The following CLIP1 variants were observed in gnomAD, a reference collection of about 807,000 sequenced individuals.
CLIP1 encodes the protein CAP-Gly domain-containing linker protein 1.
A neutral mutation model predicts 161.6 loss-of-function variants in CLIP1; 66 were observed. That is an observed-to-expected ratio of 0.41 (90% CI 0.33 to 0.50). CLIP1 has a LOEUF of 0.50. Ranked by LOEUF, CLIP1 falls within the 20% of genes least tolerant of loss-of-function variation. The pLI, the probability that CLIP1 is intolerant of heterozygous loss-of-function variation, is 0.27. For synonymous variants in CLIP1, 598 were observed against 626.2 expected (o/e 0.96, Z 0.67); for missense variants, 1,376 against 1,702.0 (o/e 0.81, Z 3.37).
chr12:122,408,852 C>T (rs147807602), intron 1 of CLIP1, among the ~76,000 whole-genome samples: 422 of 151,992 alleles, frequency 2.8e-3, no homozygotes, highest in Non-Finnish European at 3.8e-3. Context: ...ATGGAGTCTC[C>T]ACTCTGTCAC....
At chr12:122,325,398 T>C (rs2136699078) in intron 17 of CLIP1, among the ~76,000 whole-genome samples, 1 of 152,268 alleles carries the variant, frequency 6.6e-6, no homozygotes, top group East Asian at 1.9e-4. Context: ...ATGGTGACCA[T>C]ATGACTACTG....
At chr12:122,291,226 G>A (rs370440292) in intron 20 of CLIP1, among the ~76,000 whole-genome samples, 1 of 151,070 alleles carries the variant, frequency 6.6e-6, no homozygotes, top group Admixed American at 6.6e-5. Flanking sequence ...GTCTCACTCT[G>A]TCACCTAGGC....
rs374594707 is a variant in CLIP1 at position 122,272,837 on chromosome 12, T to C, written c.*38A>G. 6.4e-7 allele frequency: 1 copy of C among 1,562,066 alleles called. No individual in the cohort carries two copies. The highest frequency in any genetic ancestry group is 1.1e-5 in the South Asian group (1 of 89,992). ...TGGTGTTACGTTGTGTCAATGCGAG[T>C]GCGTCTGAGCAAGCCCAGTTCTCCA... On this transcript the variant is annotated 3_prime_UTR_variant, in exon 26 of 26. Coordinates refer to ENST00000620786, the MANE Select transcript of CLIP1 (RefSeq NM_001247997.2).
chr12:122,286,017 T>A (rs1210831940), intron 21 of CLIP1, among the ~76,000 whole-genome samples: 1 of 152,032 alleles, frequency 6.6e-6, no homozygotes, highest in East Asian at 1.9e-4. Flanking sequence ...GGGCTGGGAA[T>A]CATTGGTTAT....
At chr12:122,282,471 T>C (rs915889188) in intron 21 of CLIP1, among the ~76,000 whole-genome samples, 3 of 152,238 alleles carry the variant, frequency 2.0e-5, no homozygotes, top group Non-Finnish European at 1.5e-5. Context: ...CTTTCCTTAC[T>C]ACTTATATAA....
intron 3 of CLIP1, among the ~76,000 whole-genome samples, chr12:122,376,551 C>T (rs572126895): frequency 1.2e-4 from 19 of 152,182 alleles, no homozygotes; most frequent in Admixed American, 2.0e-4. Flanking sequence ...ACTGCAAGCT[C>T]CGCCTCCTGG....
In CLIP1 at chr12:122,361,069, C is replaced by T; in HGVS notation, c.895G>A (p.Val299Met). 1.9e-6 allele frequency: 3 copies of T among 1,614,286 alleles called. No individual in the cohort carries two copies. The highest frequency in any genetic ancestry group is 2.5e-6 in the Non-Finnish European group (3 of 1,180,054). Residue 299 changes from valine to methionine, a missense_variant, in exon 5 of 26, where the codon GTG becomes ATG. Val to Met is a conservative substitution (Grantham distance 21, BLOSUM62 1). Transcript: ENST00000620786. Reference sequence around the variant, plus strand: ...AGGCTGGCGGACGTGGTCGCCATCACTCGCCTCACTGCGTTGGCCTTGGCT... The same window carrying T: ...AGGCTGGCGGACGTGGTCGCCATCATTCGCCTCACTGCGTTGGCCTTGGCT... ...AKAKANAVRRVMATTSASLKR... is the reference protein window; with the variant it reads ...AKAKANAVRRMMATTSASLKR...
intron 19 of CLIP1, among the ~76,000 whole-genome samples, chr12:122,314,407 G>A (rs1951184770): frequency 6.6e-6 from 1 of 152,180 alleles, no homozygotes; most frequent in African/African-American, 2.4e-5. Flanking sequence ...GGAGGCAGAG[G>A]TCGTGGTGAG....
chr12:122,411,994 T>C (rs1187041933), intron 1 of CLIP1, among the ~76,000 whole-genome samples: 1 of 151,872 alleles, frequency 6.6e-6, no homozygotes, highest in Non-Finnish European at 1.5e-5. Context: ...TCAATAAAGC[T>C]GTTATTTTTT....
In CLIP1 at chr12:122,289,101, C is replaced by A. The variant is rs907211253; in HGVS notation, c.3595-560G>T. On this transcript the variant is annotated intron_variant, in intron 20 of 25. Coordinates refer to ENST00000620786, the MANE Select transcript of CLIP1 (RefSeq NM_001247997.2). ...AAAGTGCTGGGATTACAGGCGTGAG[C>A]CACCGCGCCTGGCCCAAAGCACATC... is the stretch of plus-strand genomic sequence containing the variant. Among the ~76,000 whole-genome samples the A allele has an allele frequency of 2.0e-5, 3 of 147,642 alleles. No homozygotes were observed. The South Asian group carries it at 7.0e-4, about 34-fold the overall frequency.
intron 20 of CLIP1, among the ~76,000 whole-genome samples, chr12:122,301,089 C>T (rs1381261810): frequency 6.6e-6 from 1 of 152,042 alleles, no homozygotes; most frequent in Non-Finnish European, 1.5e-5. Flanking sequence ...ACAGAGGAAT[C>T]GTTCCAGATT....
rs572570489 is a variant in CLIP1 at position 122,388,660 on chromosome 12, C to A, written c.-106-8102G>T. The stretch of plus-strand genomic sequence containing the variant: ...GGTAGCTCACCGCACCCTTTGAATT[C>A]TGGGCTCAAGTGATTCACGAACCCC... On this transcript the variant is annotated intron_variant, in intron 1 of 25. Transcript: ENST00000620786. Among the ~76,000 whole-genome samples, 16 of 152,278 alleles carry A rather than the reference C, an allele frequency of 1.1e-4. No homozygotes were observed. In the East Asian group the frequency reaches 1.7e-3, roughly 17 times the overall value.
chr12:122,337,318 C>T (rs764230848), intron 11 of CLIP1, among the ~76,000 whole-genome samples: 20 of 151,570 alleles, frequency 1.3e-4, no homozygotes, highest in Non-Finnish European at 2.1e-4. Flanking sequence ...CATGGTGGCA[C>T]GCTCCTGTAA....
At position 122,328,068 on chromosome 12, in the gene CLIP1, A is replaced by G; in HGVS notation, c.3128T>C (p.Ile1043Thr). 1 of 1,613,818 alleles carries G rather than the reference A, an allele frequency of 6.2e-7. No individual in the cohort carries two copies. The highest frequency in any genetic ancestry group is 8.5e-7 in the Non-Finnish European group (1 of 1,179,974). ...CAGCGTCTTCTGGAGGTTCTGTAGG[A>G]TTTCTTCATGCTTGGTTTTTGTCTC... Reference protein sequence around the residue: ...TSETKTKHEEILQNLQKTLLD... With the variant: ...TSETKTKHEETLQNLQKTLLD... Residue 1043 changes from isoleucine (I) to threonine (T), a missense_variant, in exon 17 of 26, where the codon ATC (isoleucine) becomes ACC (threonine). By Grantham distance (89) the Ile-to-Thr change is moderately conservative. This residue lies in a region of CLIP1 where 948 missense variants were observed against 1,134.8 expected (regional missense o/e 0.84). Coordinates refer to ENST00000620786, the MANE Select transcript of CLIP1 (RefSeq NM_001247997.2).
intron 21 of CLIP1, among the ~76,000 whole-genome samples, chr12:122,287,308 C>T (rs1955898107): frequency 1.3e-5 from 2 of 152,322 alleles, no homozygotes; most frequent in South Asian, 2.1e-4. Flanking sequence ...GCAACTGCTA[C>T]GCTGGCAGAG....
At chr12:122,413,002 A>C (rs1222801269) in intron 1 of CLIP1, among the ~76,000 whole-genome samples, 1 of 152,198 alleles carries the variant, frequency 6.6e-6, no homozygotes, top group Non-Finnish European at 1.5e-5. Context: ...TGTAATAAAG[A>C]CACCCACTTT....
At chr12:122,390,228 A>C (rs1343227960) in intron 1 of CLIP1, among the ~76,000 whole-genome samples, 1 of 131,520 alleles carries the variant, frequency 7.6e-6, no homozygotes, top group African/African-American at 2.7e-5. Context: ...ATATACACAC[A>C]TATATACACA....
At chr12:122,378,061 C>G in intron 2 of CLIP1, 101 bp from the exon 3 acceptor site, 1 of 1,012,630 alleles carries the variant, frequency 9.9e-7, no homozygotes, top group East Asian at 2.4e-5. Context: ...AGGAGTAGCC[C>G]AGAACTCTTA....
rs1022594161 is a variant in CLIP1 at position 122,272,552 on chromosome 12, T to G, written c.*323A>C. 1.8e-5 allele frequency: 4 copies of G among 218,626 alleles called. No individual in the cohort carries two copies. The highest frequency in any genetic ancestry group is 9.1e-5 in the African/African-American group (4 of 43,726). The allele number at this position is 218,626 out of a possible 1,614,324, so 13.5% of individuals were successfully genotyped here. A position where few individuals can be genotyped will look rare whatever the true frequency, so the allele number is the denominator to read the frequency against. Reference sequence around the variant, plus strand: ...AAGTAACGGCATAATTTAAAGTTACTTAAATAAGGTATTGTGAGGGTAGGG... The same window carrying G: ...AAGTAACGGCATAATTTAAAGTTACGTAAATAAGGTATTGTGAGGGTAGGG... On this transcript the variant is annotated 3_prime_UTR_variant, in exon 26 of 26. Coordinates refer to ENST00000620786, the MANE Select transcript of CLIP1 (RefSeq NM_001247997.2).
Sources: allele counts gnomAD v4.1 joint callset (sites outside exome capture counted in the v4.1 genomes callset), GRCh38; gene constraint gnomAD v4.1.1; regional missense constraint gnomAD v4.1.1; transcripts MANE v1.5; gene names NCBI Gene and HGNC (gene_info 2026-07-23, HGNC 2026-07-21).